The following CHCHD3 variants were observed in gnomAD, a reference collection of about 807,000 sequenced individuals.
CHCHD3 encodes the protein coiled-coil-helix-coiled-coil-helix domain containing 3, also known as MICOS complex subunit MIC19.
A neutral mutation model predicts 38.2 loss-of-function variants in CHCHD3; 20 were observed. The ratio of observed to expected loss-of-function variants is 0.52; its 90% CI spans 0.37 to 0.76. CHCHD3 has a LOEUF of 0.76. Among genes scored for constraint, CHCHD3 ranks in the 30% least tolerant of loss-of-function variants. CHCHD3 has a pLI of 0.00. For missense variants in CHCHD3, 245 were observed against 279.2 expected (o/e 0.88, Z 0.87); for synonymous variants, 82 against 100.0 (o/e 0.82, Z 1.07).
chr7:132,858,108 G>A (rs1329667374), intron 5 of CHCHD3, among the ~76,000 whole-genome samples: 1 of 152,110 alleles, frequency 6.6e-6, no homozygotes, highest in African/African-American at 2.4e-5. Flanking sequence ...TGTTGCCCAG[G>A]CTAGAGTGCA....
chr7:132,995,460 A>T (rs565805341), intron 3 of CHCHD3, among the ~76,000 whole-genome samples: 1 of 152,354 alleles, frequency 6.6e-6, no homozygotes, highest in African/African-American at 2.4e-5. Context: ...ACTATGCTGT[A>T]TCCTCACTTG....
intron 5 of CHCHD3, among the ~76,000 whole-genome samples, chr7:132,854,335 T>A (rs2117120938): frequency 6.6e-6 from 1 of 152,300 alleles, no homozygotes; most frequent in East Asian, 1.9e-4. Context: ...AGACTTTGGT[T>A]TGTTTTTTCC....
chr7:133,072,080 G>A (rs1255300635), intron 1 of CHCHD3, among the ~76,000 whole-genome samples: 1 of 151,848 alleles, frequency 6.6e-6, no homozygotes, highest in Non-Finnish European at 1.5e-5. Flanking sequence ...TGAGGAGGGA[G>A]GATCACTTGA....
chr7:132,859,822 C>T (rs1312282319), intron 5 of CHCHD3, among the ~76,000 whole-genome samples: 2 of 152,158 alleles, frequency 1.3e-5, no homozygotes, highest in African/African-American at 2.4e-5. Context: ...GGTCTCTTAG[C>T]GAAGCTCTTC....
At chr7:132,875,034 A>G (rs1808860407) in intron 5 of CHCHD3, among the ~76,000 whole-genome samples, 1 of 152,024 alleles carries the variant, frequency 6.6e-6, no homozygotes, top group African/African-American at 2.4e-5. Context: ...CTACTTTTAC[A>G]TCCTAGGATG....
intron 4 of CHCHD3, among the ~76,000 whole-genome samples, chr7:132,920,340 T>G (rs904199487): frequency 6.6e-6 from 1 of 152,184 alleles, no homozygotes; most frequent in Admixed American, 6.5e-5. Context: ...CAGAAAAAGT[T>G]TGCTGGCCCC....
intron 3 of CHCHD3, among the ~76,000 whole-genome samples, chr7:132,992,336 C>G (rs903052267): frequency 6.6e-6 from 1 of 152,174 alleles, no homozygotes; most frequent in African/African-American, 2.4e-5. Flanking sequence ...AGTCCCAGAC[C>G]CACAGGTCTC....
intron 5 of CHCHD3, among the ~76,000 whole-genome samples, chr7:132,870,345 T>G (rs1808736234): frequency 9.4e-6 from 1 of 105,998 alleles, no homozygotes; most frequent in Admixed American, 1.2e-4. Context: ...GCGAGACCTA[T>G]CTCACCAAAA....
intron 2 of CHCHD3, among the ~76,000 whole-genome samples, chr7:133,061,444 T>C (rs1308854947): frequency 1.4e-5 from 2 of 145,012 alleles, no homozygotes; most frequent in African/African-American, 5.1e-5. Context: ...TGCAGGACTA[T>C]AGCAATGATG....
chr7:133,048,462 ATTT>A (rs1388638016), intron 2 of CHCHD3, among the ~76,000 whole-genome samples: 1 of 152,182 alleles, frequency 6.6e-6, no homozygotes, highest in South Asian at 2.1e-4. Flanking sequence ...AAGAGGCAGG[ATTT>A]TTACTAATTC....
intron 1 of CHCHD3, among the ~76,000 whole-genome samples, chr7:133,075,731 C>T (rs934428856): frequency 2.0e-5 from 3 of 152,148 alleles, no homozygotes; most frequent in Non-Finnish European, 2.9e-5. Flanking sequence ...GTCGATAGTA[C>T]AACACAAGCT....
intron 4 of CHCHD3, among the ~76,000 whole-genome samples, chr7:132,926,393 T>C (rs1810377415): frequency 6.6e-6 from 1 of 152,168 alleles, no homozygotes; most frequent in African/African-American, 2.4e-5. Context: ...AGTTCAGAGT[T>C]ACATGTTGAA....
At chr7:132,993,502 A>G (rs377448582) in intron 3 of CHCHD3, among the ~76,000 whole-genome samples, 1 of 152,142 alleles carries the variant, frequency 6.6e-6, no homozygotes. Flanking sequence ...CTAAGTTCTC[A>G]TTTGTCTCTT....
chr7:132,883,239 T>C (rs1217988591), intron 5 of CHCHD3, among the ~76,000 whole-genome samples: 1 of 152,204 alleles, frequency 6.6e-6, no homozygotes, highest in African/African-American at 2.4e-5. Flanking sequence ...TGTACAATGC[T>C]CTAGGTATAG....
At chr7:132,957,671 G>A (rs1811217547) in intron 4 of CHCHD3, among the ~76,000 whole-genome samples, 1 of 152,066 alleles carries the variant, frequency 6.6e-6, no homozygotes, top group Non-Finnish European at 1.5e-5. Context: ...AGTAGAGATG[G>A]GGTTTCGCCA....
intron 5 of CHCHD3, among the ~76,000 whole-genome samples, chr7:132,882,484 TATATATATA>T (rs1809090328): frequency 2.4e-5 from 1 of 40,858 alleles, no homozygotes; most frequent in Non-Finnish European, 5.9e-5. Flanking sequence ...TATATATATA[TATATATATA>T]TATATATTCA....
chr7:132,796,602 G>C, intron 6 of CHCHD3, 25 bp from the exon 7 acceptor site: 1 of 1,608,998 alleles, frequency 6.2e-7, no homozygotes, highest in South Asian at 1.1e-5. Flanking sequence ...AGGGACCGCT[G>C]AGACCAATGG....
intron 1 of CHCHD3, among the ~76,000 whole-genome samples, chr7:133,080,473 AAT>A (rs1815140196): frequency 6.6e-6 from 1 of 152,178 alleles, no homozygotes; most frequent in Non-Finnish European, 1.5e-5. Flanking sequence ...TTTTCTAACC[AAT>A]GTCTTCTCAC....
intron 4 of CHCHD3, chr7:132,887,074 T>C: frequency 3.1e-6 from 2 of 648,318 alleles, no homozygotes; most frequent in Non-Finnish European, 4.4e-6. Context: ...CAAAATCTGA[T>C]GGATAATATT....
Sources: allele counts gnomAD v4.1 joint callset (sites outside exome capture counted in the v4.1 genomes callset), GRCh38; gene constraint gnomAD v4.1.1; transcripts MANE v1.5; gene names NCBI Gene and HGNC (gene_info 2026-07-23, HGNC 2026-07-21).